TTC28: variants seen among roughly 807,000 people sequenced by gnomAD.
The protein encoded by TTC28 is tetratricopeptide repeat domain 28, also known as tetratricopeptide repeat protein 28.
In TTC28, 61 loss-of-function variants were observed where a neutral mutation model predicts 198.0. That is an observed-to-expected ratio of 0.31 (90% CI 0.25 to 0.38). The LOEUF (loss-of-function observed/expected upper bound fraction) is 0.38, where lower values mean the gene tolerates loss of function less well. Among genes scored for constraint, TTC28 ranks in the 10% least tolerant of loss-of-function variants. The pLI is 1.00. For synonymous variants in TTC28, 1,171 were observed against 1,297.8 expected, an observed-to-expected ratio of 0.90 and a Z score of 2.10; for missense variants, 2,678 against 3,164.0, an observed-to-expected ratio of 0.85 and a Z score of 3.69.
chr22:28,473,472 G>A (rs2048124328), intron 2 of TTC28, among the ~76,000 whole-genome samples: 1 of 152,148 alleles, frequency 6.6e-6, no homozygotes, highest in African/African-American at 2.4e-5. Flanking sequence ...GGCAATAACT[G>A]GAAGTTACCA....
intron 1 of TTC28, among the ~76,000 whole-genome samples, chr22:28,671,495 C>T (rs1255084494): frequency 6.6e-6 from 1 of 151,442 alleles, no homozygotes; most frequent in African/African-American, 2.4e-5. Context: ...ATTAGCCAGG[C>T]GTGGTGGCGG....
chr22:28,620,248 G>A (rs547094152), intron 2 of TTC28, among the ~76,000 whole-genome samples: 91 of 152,060 alleles, frequency 6.0e-4, no homozygotes, highest in African/African-American at 2.1e-3. Flanking sequence ...TACTCAGGAG[G>A]CTGGGGCAGG....
At chr22:28,049,696 T>C (rs189729151) in intron 12 of TTC28, among the ~76,000 whole-genome samples, 1 of 152,156 alleles carries the variant, frequency 6.6e-6, no homozygotes, top group East Asian at 1.9e-4. Flanking sequence ...CATATGCAGC[T>C]GTGAAGGTGG....
At chr22:28,124,501 TGG>T (rs1402036520) in intron 6 of TTC28, among the ~76,000 whole-genome samples, 1 of 152,154 alleles carries the variant, frequency 6.6e-6, no homozygotes, top group Non-Finnish European at 1.5e-5. Context: ...ATCTCACAAG[TGG>T]GTTGTTAAAT....
At chr22:28,675,735 T>TCACTCGCGCACA (rs1555910098) in intron 1 of TTC28, among the ~76,000 whole-genome samples, 6 of 135,118 alleles carry the variant, frequency 4.4e-5, no homozygotes, top group African/African-American at 1.1e-4. Context: ...TGAAACCCTG[T>TCACTCGCGCACA]CACACACACA....
At chr22:28,114,139 T>G (rs1942567594) in intron 6 of TTC28, among the ~76,000 whole-genome samples, 1 of 152,196 alleles carries the variant, frequency 6.6e-6, no homozygotes, top group Non-Finnish European at 1.5e-5. Context: ...GGATGATATT[T>G]TGTCTATCAA....
At chr22:28,276,614 T>A (rs1170489303) in intron 5 of TTC28, among the ~76,000 whole-genome samples, 2 of 152,210 alleles carry the variant, frequency 1.3e-5, no homozygotes, top group Non-Finnish European at 2.9e-5. Context: ...CAGCAACTGC[T>A]GTGGCAGCTA....
intron 5 of TTC28, among the ~76,000 whole-genome samples, chr22:28,191,099 T>C (rs1480064616): frequency 1.3e-5 from 2 of 152,220 alleles, no homozygotes; most frequent in Admixed American, 1.3e-4. Flanking sequence ...CCTCCTGGCA[T>C]ATTTCTTGTT....
At chr22:28,420,591 T>C (rs1401006241) in intron 2 of TTC28, among the ~76,000 whole-genome samples, 1 of 151,924 alleles carries the variant, frequency 6.6e-6, no homozygotes, top group Non-Finnish European at 1.5e-5. Flanking sequence ...AAAGGTGTTT[T>C]TTTTGTTGTT....
intron 6 of TTC28, among the ~76,000 whole-genome samples, chr22:28,115,239 C>A (rs961100760): frequency 6.6e-6 from 1 of 152,140 alleles, no homozygotes; most frequent in Non-Finnish European, 1.5e-5. Flanking sequence ...CAGCTCATTA[C>A]AGCCATGACC....
chr22:28,664,829 C>T, intron 1 of TTC28, among the ~76,000 whole-genome samples: 1 of 18,462 alleles, frequency 5.4e-5, no homozygotes, highest in Non-Finnish European at 9.7e-5. Flanking sequence ...AAGAGCAACT[C>T]CAAGACACAT....
intron 13 of TTC28, among the ~76,000 whole-genome samples, chr22:28,027,887 T>C (rs1481037078): frequency 6.6e-6 from 1 of 152,236 alleles, no homozygotes; most frequent in Non-Finnish European, 1.5e-5. Context: ...GGCCTATGTG[T>C]GCTCAGCTAT....
chr22:28,515,327 T>A (rs1282804772), intron 2 of TTC28, among the ~76,000 whole-genome samples: 2 of 152,204 alleles, frequency 1.3e-5, no homozygotes, highest in African/African-American at 2.4e-5. Flanking sequence ...CAAAGAGGTA[T>A]TAAAGGCTCT....
chr22:28,567,217 G>GAAA (rs962703897), intron 2 of TTC28, among the ~76,000 whole-genome samples: 4 of 83,054 alleles, frequency 4.8e-5, no homozygotes, highest in African/African-American at 9.1e-5. Flanking sequence ...CTCCATCTCG[G>GAAA]AAAAAAAAAA....
intron 6 of TTC28, among the ~76,000 whole-genome samples, chr22:28,135,725 A>G (rs1487982034): frequency 6.6e-6 from 1 of 152,228 alleles, no homozygotes; most frequent in Non-Finnish European, 1.5e-5. Flanking sequence ...GAACATGTGA[A>G]GCCAAGTTGG....
At chr22:28,038,645 C>T (rs1250297729) in intron 12 of TTC28, among the ~76,000 whole-genome samples, 1 of 152,192 alleles carries the variant, frequency 6.6e-6, no homozygotes, top group Non-Finnish European at 1.5e-5. Context: ...AAAGCAATGG[C>T]AACAAAAGCC....
intron 2 of TTC28, among the ~76,000 whole-genome samples, chr22:28,529,500 A>C (rs767056143): frequency 5.3e-5 from 8 of 152,234 alleles, no homozygotes. Flanking sequence ...GCTGAACAAA[A>C]GGCAGCAGAA....
intron 2 of TTC28, among the ~76,000 whole-genome samples, chr22:28,534,487 T>C (rs1272955769): frequency 1.3e-5 from 2 of 152,210 alleles, no homozygotes; most frequent in East Asian, 1.9e-4. Flanking sequence ...AGTTCAACCA[T>C]TGTGGAAGAC....
intron 2 of TTC28, among the ~76,000 whole-genome samples, chr22:28,591,672 A>G (rs1038159916): frequency 5.3e-5 from 8 of 152,224 alleles, no homozygotes; most frequent in African/African-American, 1.9e-4. Flanking sequence ...TTCACCTTAT[A>G]TAGATGTAGT....
Sources: allele counts gnomAD v4.1 joint callset (sites outside exome capture counted in the v4.1 genomes callset), GRCh38; gene constraint gnomAD v4.1.1; transcripts MANE v1.5; gene names NCBI Gene and HGNC (gene_info 2026-07-23, HGNC 2026-07-21).